Variants in ANKRD36B observed in about 807,000 individuals in gnomAD.
The protein encoded by ANKRD36B is ankyrin repeat domain-containing protein 36B.
A neutral mutation model predicts 135.7 loss-of-function variants in ANKRD36B; 37 were observed. The observed-to-expected ratio is 0.27, with a 90% CI of 0.21 to 0.36. The LOEUF (loss-of-function observed/expected upper bound fraction) is 0.36. Among genes scored for constraint, ANKRD36B ranks in the 10% least tolerant of loss-of-function variants. ANKRD36B has a pLI of 1.00. For synonymous variants in ANKRD36B, 179 were observed against 348.1 expected (o/e 0.51, Z 5.41); for missense variants, 549 against 1,037.1 (o/e 0.53, Z 6.46).
chr2:97,547,247 G>A, intron 22 of ANKRD36B: 1 of 327,506 alleles, frequency 3.1e-6, no homozygotes, highest in Non-Finnish European at 5.8e-6. Flanking sequence ...AAAACAAGCT[G>A]GAGAATTAAA....
intron 22 of ANKRD36B, among the ~76,000 whole-genome samples, chr2:97,546,655 G>A (rs758770648): frequency 6.6e-6 from 1 of 151,812 alleles, no homozygotes; most frequent in East Asian, 1.9e-4. Flanking sequence ...AATATTCATT[G>A]AAAATTATAA....
chr2:97,559,821 T>A (rs1227579334), intron 8 of ANKRD36B, among the ~76,000 whole-genome samples: 1 of 151,988 alleles, frequency 6.6e-6, no homozygotes, highest in Admixed American at 6.6e-5. Flanking sequence ...ATCATTTTTG[T>A]TTCTAAAATA....
Position 97,532,981 on chromosome 2 carries a change from A to T in ANKRD36B, c.2192-597T>A, listed in dbSNP as rs186868654. 1.2e-4 allele frequency among the ~76,000 whole-genome samples: 12 copies of T among 96,034 alleles called. 4 individuals are homozygous for T. The highest frequency in any genetic ancestry group is 5.6e-4 in the Admixed American group (6 of 10,802). The allele number at this position is 96,034 out of a possible 152,430, so 63.0% of individuals were successfully genotyped here. A position where few individuals can be genotyped will look rare whatever the true frequency, so the allele number is the denominator to read the frequency against. On this transcript the variant is annotated intron_variant, in intron 34 of 43. Coordinates refer to ENST00000359901, the MANE Select transcript of ANKRD36B (RefSeq NM_001393939.1). The stretch of plus-strand genomic sequence containing the variant: ...AAATAAGACAAAATGTAAAAATCCA[A>T]TAGAAACAGAAAAAGTAACAGCACA...
At chr2:97,582,889 T>C (rs1363824098) in intron 3 of ANKRD36B, among the ~76,000 whole-genome samples, 2 of 152,046 alleles carry the variant, frequency 1.3e-5, no homozygotes, top group Non-Finnish European at 2.9e-5. Flanking sequence ...TCCCAGATTG[T>C]TCACCAAATG....
At chr2:97,566,606 AAT>A (rs2081452808) in intron 6 of ANKRD36B, among the ~76,000 whole-genome samples, 1 of 152,202 alleles carries the variant, frequency 6.6e-6, no homozygotes, top group African/African-American at 2.4e-5. Context: ...TGCAGTATAA[AAT>A]AGTCATAATT....
intron 35 of ANKRD36B, among the ~76,000 whole-genome samples, chr2:97,523,672 A>G (rs3871363): frequency 5.9e-4 from 48 of 81,992 alleles, no homozygotes; most frequent in African/African-American, 1.4e-3. Flanking sequence ...CCCAGTTCCT[A>G]TGCTATTTAG....
chr2:97,571,471 C>T (rs1213862273), intron 6 of ANKRD36B, among the ~76,000 whole-genome samples: 4 of 152,008 alleles, frequency 2.6e-5, no homozygotes, highest in African/African-American at 9.7e-5. Flanking sequence ...CACAGTGAAA[C>T]CGCATCTCTA....
At chr2:97,572,880 G>C (rs1315512400) in intron 6 of ANKRD36B, among the ~76,000 whole-genome samples, 2 of 151,060 alleles carry the variant, frequency 1.3e-5, no homozygotes, top group Non-Finnish European at 2.9e-5. Flanking sequence ...TTATATAAAA[G>C]ACGTCAGCTT....
intron 1 of ANKRD36B, 34 bp from the exon 2 acceptor site, chr2:97,585,432 A>T (rs570981286): frequency 6.5e-7 from 1 of 1,546,184 alleles, no homozygotes; most frequent in African/African-American, 1.4e-5. Flanking sequence ...AAAACATGTA[A>T]CTGTAAGCAT....
In ANKRD36B at chr2:97,586,124, T is replaced by C. The variant is rs1053836468; in HGVS notation, c.162-726A>G. Among the ~76,000 whole-genome samples the C allele has an allele frequency of 3.3e-5, 5 of 152,092 alleles. No homozygotes were observed. In the East Asian group the frequency reaches 7.7e-4, roughly 23 times the overall value. ...AGAACAGGCAGTTCTATTCATATAATTGGCACCTAAATGAAGTACTGTGGA... is the reference window on the plus strand; with the variant it reads ...AGAACAGGCAGTTCTATTCATATAACTGGCACCTAAATGAAGTACTGTGGA... On this transcript the variant is annotated intron_variant, in intron 1 of 43. Transcript: ENST00000359901.
rs1414368207 is a variant in ANKRD36B at position 97,541,447 on chromosome 2, A to G, written c.1885+464T>C. Among the ~76,000 whole-genome samples, 5 of 96,270 alleles carry G rather than the reference A, an allele frequency of 5.2e-5. 1 individual carries two copies. The highest frequency in any genetic ancestry group is 1.6e-4 in the African/African-American group (5 of 32,242). The allele number at this position is 96,270 out of a possible 152,430, so 63.2% of individuals were successfully genotyped here. ...TTCTTTTCTCTCCTTCCTGCCTCAC[A>G]ATCCCTCTTCCTTGTGGAAAATAAT... On this transcript the variant is annotated intron_variant, in intron 28 of 43. Coordinates refer to ENST00000359901, the MANE Select transcript of ANKRD36B (RefSeq NM_001393939.1).
Position 97,585,072 on chromosome 2 carries a change from T to G in ANKRD36B, c.322A>C (p.Asn108His). 1 of 1,613,074 alleles carries G rather than the reference T, an allele frequency of 6.2e-7. No individual in the cohort carries two copies. Among genetic ancestry groups the G allele is most frequent in the Non-Finnish European group, 8.5e-7 (1 of 1,179,820 alleles). The change falls in exon 3 of 44, where the codon AAT (asparagine) becomes CAT (histidine). Residue 108 changes from asparagine to histidine, a missense_variant. Physicochemically the swap from Asn to His is moderately conservative, Grantham distance 68 (BLOSUM62 1). Transcript: ENST00000359901. ...QEACATLLLQNGADPNITDVF... is the reference protein window; with the variant it reads ...QEACATLLLQHGADPNITDVF... Reference sequence around the variant, plus strand: ...TCCGTAATATTTGGATCGGCGCCATTTTGCAGCAGAAGAGTTGCACAAGCC... The same window carrying G: ...TCCGTAATATTTGGATCGGCGCCATGTTGCAGCAGAAGAGTTGCACAAGCC...
intron 6 of ANKRD36B, among the ~76,000 whole-genome samples, chr2:97,563,451 C>T (rs1318442667): frequency 1.4e-5 from 2 of 141,050 alleles, no homozygotes; most frequent in South Asian, 4.3e-4. Context: ...CACACACACA[C>T]ACATTCACAC....
intron 34 of ANKRD36B, among the ~76,000 whole-genome samples, chr2:97,533,831 G>A (rs2078723402): frequency 1.0e-5 from 1 of 95,420 alleles, no homozygotes; most frequent in South Asian, 2.4e-4. Flanking sequence ...GCTGAAGTGG[G>A]TGGATTACAA....
At chr2:97,565,632 C>T (rs2081368057) in intron 6 of ANKRD36B, among the ~76,000 whole-genome samples, 1 of 152,068 alleles carries the variant, frequency 6.6e-6, no homozygotes, top group Admixed American at 6.5e-5. Context: ...TAGAGAAATG[C>T]AAATCAAAAC....
chr2:97,536,613 T>A (rs2078904040), intron 32 of ANKRD36B, 117 bp from the exon 33 acceptor site: 1 of 457,240 alleles, frequency 2.2e-6, no homozygotes, highest in Middle Eastern at 4.1e-4. Context: ...GGTTTCATGT[T>A]TTTCTAGTTT....
intron 26 of ANKRD36B, among the ~76,000 whole-genome samples, chr2:97,543,112 C>T (rs372877497): frequency 1.3e-5 from 2 of 152,104 alleles, no homozygotes; most frequent in East Asian, 1.9e-4. Context: ...AAGTCTGATA[C>T]CTAACAGTAA....
rs1464559099 is a variant in ANKRD36B, at chr2:97,524,902, T to C, written c.2266-1435A>G. On this transcript the variant is annotated intron_variant, in intron 35 of 43. Transcript: ENST00000359901. ...TATCACAACACTTTTTCACTACTAG[T>C]TGTTGAGACAATTTTTGCACATGCA... is the stretch of plus-strand genomic sequence containing the variant. 1.2e-4 allele frequency: 12 copies of C among 97,568 alleles called. 2 individuals are homozygous for C. Among genetic ancestry groups the C allele is most frequent in the African/African-American group, 3.7e-4 (12 of 32,584 alleles). 6.0% of individuals were successfully genotyped at this position (97,568 alleles called of 1,614,324 possible). A position where few individuals can be genotyped will look rare whatever the true frequency, so the allele number is the denominator to read the frequency against.
intron 35 of ANKRD36B, among the ~76,000 whole-genome samples, chr2:97,528,596 A>C (rs1397997012): frequency 1.0e-5 from 1 of 95,262 alleles, no homozygotes; most frequent in African/African-American, 3.1e-5. Flanking sequence ...AACCCTTCAA[A>C]AAATTAATGA....
Sources: gnomAD v4.1 joint callset for allele counts (sites outside exome capture counted in the v4.1 genomes callset) on GRCh38, gnomAD v4.1.1 for gene constraint, MANE v1.5 for transcripts, NCBI Gene and HGNC (gene_info 2026-07-23, HGNC 2026-07-21) for gene names.